RBM23: variants seen among roughly 807,000 people sequenced by gnomAD.
RBM23 encodes RNA binding motif protein 23.
Under a neutral mutation model 56.2 loss-of-function variants are expected in RBM23, and 53 were observed. The observed-to-expected ratio is 0.94, with a 90% CI of 0.76 to 1.19. The LOEUF (loss-of-function observed/expected upper bound fraction) is 1.19, where lower values mean the gene tolerates loss of function less well. Ranked by LOEUF, RBM23 falls within the 50% of genes most tolerant of loss-of-function variation. The pLI is 0.00. For missense variants in RBM23, 642 were observed against 590.3 expected (o/e 1.09, Z -0.91); for synonymous variants, 197 against 198.5 (o/e 0.99, Z 0.06).
At chr14:22,918,174 C>A (rs181749946) in intron 1 of RBM23, among the ~76,000 whole-genome samples, 11 of 152,290 alleles carry the variant, frequency 7.2e-5, no homozygotes, top group African/African-American at 2.6e-4. Context: ...GCGGGTGGAT[C>A]ACCTGAGGTC....
intron 1 of RBM23, among the ~76,000 whole-genome samples, chr14:22,918,225 T>C (rs1046587025): frequency 1.3e-5 from 2 of 151,842 alleles, no homozygotes; most frequent in African/African-American, 4.8e-5. Context: ...CAAAACCCCA[T>C]CTCTATTAAA....
At chr14:22,904,106 A>T in intron 10 of RBM23, 155 bp downstream of exon 10, 1 of 1,539,944 alleles carries the variant, frequency 6.5e-7, no homozygotes, top group Non-Finnish European at 8.7e-7. Context: ...CAATGCACTC[A>T]TCTCAAGGGG....
At position 22,894,507 on chromosome 14, in the gene RBM23, AAG is replaced by A. The variant is rs1320520063; in HGVS notation, c.*7221_*7222del. The A allele has an allele frequency of 6.8e-6, 1 of 147,408 alleles. No individual in the cohort carries two copies. The highest frequency in any genetic ancestry group is 1.5e-5 in the Non-Finnish European group (1 of 66,694). 9.1% of individuals were successfully genotyped at this position (147,408 alleles called of 1,614,324 possible). A position where few individuals can be genotyped will look rare whatever the true frequency, so the allele number is the denominator to read the frequency against. On this transcript the variant is annotated 3_prime_UTR_variant, in exon 14 of 14. Transcript: ENST00000359890. Reference sequence around the variant, plus strand: ...CGAGGTGGGTGGATCACTTGAGGTCAAGAGAGAGACCAGCCTGGCCAACATGG... The same window carrying A: ...CGAGGTGGGTGGATCACTTGAGGTCAAGAGAGACCAGCCTGGCCAACATGG...
rs895844481 is a variant in RBM23 at position 22,904,787 on chromosome 14, G to A, written c.864+88C>T. On this transcript the variant is annotated intron_variant, in intron 9 of 13. Transcript: ENST00000359890. ...ATGACGTATGCAGCAGGTTAATCACGGCCAGGCACAACAGAGAAGTACACT... is the reference window on the plus strand; with the variant it reads ...ATGACGTATGCAGCAGGTTAATCACAGCCAGGCACAACAGAGAAGTACACT... 7.7e-6 allele frequency: 12 copies of A among 1,565,496 alleles called. 1 individual carries two copies. Among genetic ancestry groups the A allele is most frequent in the South Asian group, 2.4e-5 (2 of 84,730 alleles).
intron 10 of RBM23, 59 bp downstream of exon 10, chr14:22,904,202 A>T: frequency 6.2e-7 from 1 of 1,613,520 alleles, no homozygotes; most frequent in Non-Finnish European, 8.5e-7. Flanking sequence ...TAAGCTGCAA[A>T]ATCAGACAAG....
chr14:22,893,205 TCACA>T lies in RBM23; in HGVS notation c.*8521_*8524del, dbSNP rs968441806. 2.0e-5 allele frequency: 3 copies of T among 152,204 alleles called. No individual in the cohort carries two copies. The highest frequency in any genetic ancestry group is 7.2e-5 in the African/African-American group (3 of 41,424). The allele number at this position is 152,204 out of a possible 1,614,324, so 9.4% of individuals were successfully genotyped here. A position where few individuals can be genotyped will look rare whatever the true frequency, so the allele number is the denominator to read the frequency against. On this transcript the variant is annotated 3_prime_UTR_variant, in exon 14 of 14. Transcript: ENST00000359890. ...GGTTAAACCCTCACTCCCAGGAAGT[TCACA>T]CACACACATCTTTTTATTAATCTAA...
rs1472025206 is a variant in RBM23 at position 22,905,679 on chromosome 14, A to G, written c.402-20T>C. 6 of 1,576,876 alleles carry G rather than the reference A, an allele frequency of 3.8e-6. No homozygotes were observed. The highest frequency in any genetic ancestry group is 5.2e-6 in the Non-Finnish European group (6 of 1,146,340). ...CTATAACTAAAGAATAGAGAAAAAC[A>G]AAAGGTGAAACCTTATTCTCATTGG... On this transcript the variant is annotated intron_variant, in intron 5 of 13. Transcript: ENST00000359890.
rs531803816 is a variant in RBM23 at position 22,897,423 on chromosome 14, A to C, written c.*4307T>G. On this transcript the variant is annotated 3_prime_UTR_variant, in exon 14 of 14. Coordinates refer to ENST00000359890, the MANE Select transcript of RBM23 (RefSeq NM_001077351.2). Reference sequence around the variant, plus strand: ...TAAAGGACAGGACTTTGATCAGCAGAAGGAGGAAAGGAAGAGAGATAGCTG... The same window carrying C: ...TAAAGGACAGGACTTTGATCAGCAGCAGGAGGAAAGGAAGAGAGATAGCTG... 2 of 151,252 alleles carry C rather than the reference A, an allele frequency of 1.3e-5. No individual in the cohort carries two copies. Among genetic ancestry groups the C allele is most frequent in the Non-Finnish European group, 2.9e-5 (2 of 68,038 alleles). 9.4% of individuals were successfully genotyped at this position (151,252 alleles called of 1,614,324 possible).
chr14:22,910,771 G>T (rs1207887964), intron 2 of RBM23, among the ~76,000 whole-genome samples: 1 of 152,224 alleles, frequency 6.6e-6, no homozygotes, highest in African/African-American at 2.4e-5. Context: ...CCATTACTTT[G>T]GAAGGCCAAG....
chr14:22,918,574 A>G (rs1324564819), intron 1 of RBM23, among the ~76,000 whole-genome samples: 1 of 152,186 alleles, frequency 6.6e-6, no homozygotes, highest in Admixed American at 6.5e-5. Flanking sequence ...TCTTCGACAG[A>G]CTAGAGATTG....
In RBM23 at chr14:22,899,391, GT is replaced by G; in HGVS notation, c.*2338del. The G allele has an allele frequency of 6.6e-6, 1 of 152,364 alleles. No homozygotes were observed. Among genetic ancestry groups the G allele is most frequent in the Non-Finnish European group, 1.5e-5 (1 of 68,134 alleles). The allele number at this position is 152,364 out of a possible 1,614,324, so 9.4% of individuals were successfully genotyped here. A position where few individuals can be genotyped will look rare whatever the true frequency, so the allele number is the denominator to read the frequency against. On this transcript the variant is annotated 3_prime_UTR_variant, in exon 14 of 14. Transcript: ENST00000359890. ...AGAACTGTGAGAAATACACTTTTCT[GT>G]TTTTTTGAGATGGAGGCTCGCTCTG... is the stretch of plus-strand genomic sequence containing the variant.
At chr14:22,918,005 C>G (rs1450943777) in intron 1 of RBM23, among the ~76,000 whole-genome samples, 2 of 152,192 alleles carry the variant, frequency 1.3e-5, no homozygotes, top group African/African-American at 4.8e-5. Flanking sequence ...TGGGCACAAA[C>G]ACCTACAAAC....
At chr14:22,914,533 G>A (rs1048683144) in intron 1 of RBM23, among the ~76,000 whole-genome samples, 1 of 151,830 alleles carries the variant, frequency 6.6e-6, no homozygotes, top group African/African-American at 2.4e-5. Flanking sequence ...ATGGTTTCAC[G>A]GGTGTTTAAC....
chr14:22,911,760 A>G (rs2042565273), intron 1 of RBM23: 1 of 160,312 alleles, frequency 6.2e-6, no homozygotes, highest in Non-Finnish European at 1.4e-5. Flanking sequence ...AAAATATAAA[A>G]ATTAGCTGGG....
intron 5 of RBM23, 168 bp downstream of exon 5, chr14:22,906,027 G>T: frequency 1.3e-6 from 1 of 787,118 alleles, no homozygotes; most frequent in Non-Finnish European, 2.0e-6. Flanking sequence ...TGGGATTACA[G>T]GCATGAGCCA....
rs1434827568 is a variant in RBM23, at chr14:22,900,268, A to G, written c.*1462T>C. ...TACAAAGAGGGTCAAAGGCAGGTAC[A>G]AAGGCCAATAGAGTTAAGAAAGCTC... On this transcript the variant is annotated 3_prime_UTR_variant, in exon 14 of 14. Coordinates refer to ENST00000359890, the MANE Select transcript of RBM23 (RefSeq NM_001077351.2). 2 of 152,238 alleles carry G rather than the reference A, an allele frequency of 1.3e-5. No homozygotes were observed. Among genetic ancestry groups the G allele is most frequent in the Non-Finnish European group, 2.9e-5 (2 of 68,074 alleles). 9.4% of individuals were successfully genotyped at this position (152,238 alleles called of 1,614,324 possible). A position where few individuals can be genotyped will look rare whatever the true frequency, so the allele number is the denominator to read the frequency against.
intron 1 of RBM23, among the ~76,000 whole-genome samples, chr14:22,913,067 A>G (rs1350095861): frequency 6.7e-6 from 1 of 149,020 alleles, no homozygotes; most frequent in East Asian, 2.0e-4. Context: ...AAGCACATCA[A>G]TGGTTGCCTA....
At chr14:22,918,196 G>A (rs1405995377) in intron 1 of RBM23, among the ~76,000 whole-genome samples, 3 of 151,874 alleles carry the variant, frequency 2.0e-5, no homozygotes, top group Admixed American at 6.6e-5. Flanking sequence ...GGAGTTCGAG[G>A]TCAGCCTGGC....
chr14:22,918,942 G>C (rs2044100749), intron 1 of RBM23, 57 bp downstream of exon 1: 1 of 152,188 alleles, frequency 6.6e-6, no homozygotes, highest in African/African-American at 2.4e-5. Context: ...GAGGCGCCGT[G>C]CAGCAACGTC....
Sources: gnomAD v4.1 joint callset for allele counts (sites outside exome capture counted in the v4.1 genomes callset) on GRCh38, gnomAD v4.1.1 for gene constraint, MANE v1.5 for transcripts, NCBI Gene and HGNC (gene_info 2026-07-23, HGNC 2026-07-21) for gene names.